Variants in DPYD observed in about 807,000 individuals in gnomAD.
DPYD encodes dihydropyrimidine dehydrogenase [NADP(+)].
DPYD carries 109 observed loss-of-function variants against 116.2 expected under a neutral mutation model. That is an observed-to-expected ratio of 0.94 (90% CI 0.80 to 1.10). DPYD has a LOEUF of 1.10. Ranked by LOEUF, DPYD falls within the 50% of genes least tolerant of loss-of-function variation. DPYD has a pLI of 0.00. For synonymous variants in DPYD, 440 were observed against 432.0 expected, an observed-to-expected ratio of 1.02 and a Z score of -0.23; for missense variants, 1,302 against 1,254.5, an observed-to-expected ratio of 1.04 and a Z score of -0.57.
intron 12 of DPYD, among the ~76,000 whole-genome samples, chr1:97,531,750 C>G (rs934557247): frequency 1.3e-5 from 2 of 152,064 alleles, no homozygotes; most frequent in African/African-American, 4.8e-5. Flanking sequence ...TTTTCCAATC[C>G]AAGAATATAA....
At chr1:97,286,863 G>A (rs1469379386) in intron 18 of DPYD, among the ~76,000 whole-genome samples, 1 of 152,152 alleles carries the variant, frequency 6.6e-6, no homozygotes, top group Non-Finnish European at 1.5e-5. Context: ...CCTTTGGTTT[G>A]AATTTCCTCC....
intron 10 of DPYD, among the ~76,000 whole-genome samples, chr1:97,588,496 C>T (rs926442750): frequency 7.9e-5 from 12 of 152,284 alleles, no homozygotes; most frequent in African/African-American, 2.6e-4. Context: ...GACCTTCATG[C>T]CTCCTTTTAG....
chr1:97,182,949 C>T (rs113439293), intron 20 of DPYD, among the ~76,000 whole-genome samples: 16 of 152,198 alleles, frequency 1.1e-4, no homozygotes, highest in African/African-American at 3.6e-4. Context: ...TCATGAGATA[C>T]AAGTATAGGA....
chr1:97,852,845 TC>T (rs1219883738), intron 2 of DPYD, among the ~76,000 whole-genome samples: 2 of 152,178 alleles, frequency 1.3e-5, no homozygotes, highest in Non-Finnish European at 2.9e-5. Flanking sequence ...ATACACATTT[TC>T]CTCATTATAA....
intron 19 of DPYD, among the ~76,000 whole-genome samples, chr1:97,220,705 A>C (rs1256368103): frequency 2.0e-5 from 3 of 152,186 alleles, no homozygotes; most frequent in East Asian, 1.9e-4. Context: ...TATACTGTTT[A>C]TCTTACTGTC....
intron 20 of DPYD, among the ~76,000 whole-genome samples, chr1:97,111,805 C>T (rs766042604): frequency 1.3e-5 from 2 of 152,024 alleles, no homozygotes; most frequent in African/African-American, 2.4e-5. Context: ...GGTAATTGTA[C>T]ATTTATACAC....
intron 2 of DPYD, among the ~76,000 whole-genome samples, chr1:97,862,177 A>G (rs1671150162): frequency 6.6e-6 from 1 of 151,962 alleles, no homozygotes; most frequent in African/African-American, 2.4e-5. Flanking sequence ...AAAATATACC[A>G]GAGTATATGT....
intron 4 of DPYD, among the ~76,000 whole-genome samples, chr1:97,736,651 T>C (rs760213321): frequency 1.2e-4 from 19 of 152,088 alleles, no homozygotes; most frequent in Non-Finnish European, 2.1e-4. Context: ...CCCACTCACA[T>C]TGATATTCTA....
intron 3 of DPYD, among the ~76,000 whole-genome samples, chr1:97,813,218 T>C (rs758139400): frequency 6.6e-6 from 1 of 152,118 alleles, no homozygotes; most frequent in Non-Finnish European, 1.5e-5. Context: ...AAAATTCTTA[T>C]CATTTTTTCA....
chr1:97,088,610 C>T (rs1038415253), intron 21 of DPYD, among the ~76,000 whole-genome samples: 10 of 152,088 alleles, frequency 6.6e-5, no homozygotes, highest in Non-Finnish European at 1.3e-4. Flanking sequence ...TTTCACTCTC[C>T]TGCAGCTGCT....
chr1:97,683,355 C>T (rs1301043948), intron 7 of DPYD, among the ~76,000 whole-genome samples: 1 of 151,320 alleles, frequency 6.6e-6, no homozygotes. Context: ...TTCAAATAAC[C>T]ATAGTGAAAA....
At chr1:97,751,772 A>ATT (rs71071670) in intron 3 of DPYD, among the ~76,000 whole-genome samples, 320 of 144,780 alleles carry the variant, frequency 2.2e-3, no homozygotes, top group African/African-American at 5.1e-3. Flanking sequence ...TCTAAAAACG[A>ATT]TTTTTTTTTT....
In DPYD at chr1:97,376,887, G is replaced by GTGTGTGTGTGTGTGTGTGTATATATATA; in HGVS notation, c.1975-3244_1975-3243insTATATATATACACACACACACACACACA. Among the ~76,000 whole-genome samples the GTGTGTGTGTGTGTGTGTGTATATATATA allele has an allele frequency of 6.1e-4, 78 of 128,444 alleles. 1 individual carries two copies. The highest frequency in any genetic ancestry group is 1.5e-3 in the African/African-American group (53 of 35,078). 84.3% of individuals were successfully genotyped at this position (128,444 alleles called of 152,430 possible). On this transcript the variant is annotated intron_variant, in intron 15 of 22. Transcript: ENST00000370192. The stretch of plus-strand genomic sequence containing the variant: ...AGTTTGTGTGTGTGTGTGTGTGTGT[G>GTGTGTGTGTGTGTGTGTGTATATATATA]TATATATATATATATGGTGTGGACT...
intron 3 of DPYD, among the ~76,000 whole-genome samples, chr1:97,811,830 TACCCTTTA>T (rs1472203940): frequency 6.6e-6 from 1 of 152,126 alleles, no homozygotes; most frequent in Non-Finnish European, 1.5e-5. Flanking sequence ...TAAAGCCTAA[TACCCTTTA>T]ATTATCAATC....
At chr1:97,875,432 A>G (rs531600026) in intron 2 of DPYD, among the ~76,000 whole-genome samples, 7 of 152,084 alleles carry the variant, frequency 4.6e-5, no homozygotes, top group African/African-American at 1.4e-4. Context: ...GAGAGGCATA[A>G]TTGAGATTTT....
At chr1:97,289,799 G>A (rs28880911) in intron 18 of DPYD, among the ~76,000 whole-genome samples, 88,230 of 149,170 alleles carry the variant, frequency 0.59, 26,385 homozygotes, top group South Asian at 0.71. Flanking sequence ...GCCCTCTCTC[G>A]CCACTCCTAT....
intron 16 of DPYD, among the ~76,000 whole-genome samples, chr1:97,328,664 G>A (rs1159787410): frequency 2.6e-5 from 4 of 151,932 alleles, no homozygotes; most frequent in East Asian, 1.9e-4. Flanking sequence ...TAGTGTTATA[G>A]GTATCCAAAA....
chr1:97,546,745 C>G, intron 12 of DPYD: 1 of 1,613,056 alleles, frequency 6.2e-7, no homozygotes, highest in South Asian at 1.1e-5. Flanking sequence ...ACCAGGCAAG[C>G]CTGGAAATTA....
At chr1:97,533,800 AGT>A (rs1649808716) in intron 12 of DPYD, among the ~76,000 whole-genome samples, 1 of 152,186 alleles carries the variant, frequency 6.6e-6, no homozygotes, top group South Asian at 2.1e-4. Flanking sequence ...GTGAGGATAG[AGT>A]GTGAAGAGAA....
Sources: allele counts gnomAD v4.1 joint callset (sites outside exome capture counted in the v4.1 genomes callset), GRCh38; gene constraint gnomAD v4.1.1; transcripts MANE v1.5; gene names NCBI Gene and HGNC (gene_info 2026-07-23, HGNC 2026-07-21).